Variants in MBOAT2 observed in about 807,000 individuals in gnomAD.
MBOAT2 encodes membrane-bound glycerophospholipid O-acyltransferase 2.
A neutral mutation model predicts 63.4 loss-of-function variants in MBOAT2; 28 were observed. The observed-to-expected ratio is 0.44, with a 90% CI of 0.33 to 0.61. The LOEUF (loss-of-function observed/expected upper bound fraction) is 0.61. Ranked by LOEUF, MBOAT2 falls within the 20% of genes least tolerant of loss-of-function variation. The pLI, the probability that MBOAT2 is intolerant of heterozygous loss-of-function variation, is 0.03. For synonymous variants in MBOAT2, 211 were observed against 215.6 expected (o/e 0.98, Z 0.19); for missense variants, 470 against 605.8 (o/e 0.78, Z 2.35).
chr2:8,902,101 G>C (rs1339357208), intron 4 of MBOAT2, among the ~76,000 whole-genome samples: 1 of 152,206 alleles, frequency 6.6e-6, no homozygotes, highest in East Asian at 1.9e-4. Context: ...AAAAGTGGAA[G>C]CTGGTTCCAG....
chr2:8,874,573 T>G (rs539188831), intron 7 of MBOAT2, among the ~76,000 whole-genome samples: 2 of 152,022 alleles, frequency 1.3e-5, no homozygotes, highest in East Asian at 3.9e-4. Flanking sequence ...GCAACGAAAA[T>G]GTAAAGAACA....
intron 1 of MBOAT2, among the ~76,000 whole-genome samples, chr2:8,985,045 AATG>A (rs1671461210): frequency 6.6e-6 from 1 of 152,170 alleles, no homozygotes; most frequent in South Asian, 2.1e-4. Context: ...CTAAGAAAAA[AATG>A]TAAGGCTCAA....
At position 8,882,704 on chromosome 2, in the gene MBOAT2, C is replaced by T. The variant is rs533104505; in HGVS notation, c.452-139G>A. On this transcript the variant is annotated intron_variant, in intron 5 of 12. Coordinates refer to ENST00000305997, the MANE Select transcript of MBOAT2 (RefSeq NM_138799.4). ...ATTTTGATATAATGACTGTTCCTTT[C>T]CTTCTCATGGCAACACAGCCTCGAT... 5.3e-6 allele frequency: 4 copies of T among 761,492 alleles called. No homozygotes were observed. In the African/African-American group the frequency reaches 6.9e-5, roughly 13 times the overall value. 47.2% of individuals were successfully genotyped at this position (761,492 alleles called of 1,614,324 possible).
At chr2:8,882,449 G>C in intron 6 of MBOAT2, 62 bp downstream of exon 6, 1 of 1,530,070 alleles carries the variant, frequency 6.5e-7, no homozygotes, top group African/African-American at 1.4e-5. Flanking sequence ...AGCCACAGAA[G>C]GAACGTGGGT....
chr2:8,987,647 A>C (rs547636318), intron 1 of MBOAT2, among the ~76,000 whole-genome samples: 1 of 152,216 alleles, frequency 6.6e-6, no homozygotes, highest in South Asian at 2.1e-4. Flanking sequence ...AGGCTTGCTC[A>C]CTCACATGTC....
intron 4 of MBOAT2, among the ~76,000 whole-genome samples, chr2:8,897,052 T>G (rs751166893): frequency 2.6e-5 from 4 of 152,248 alleles, no homozygotes; most frequent in Admixed American, 6.5e-5. Context: ...GACCTTCAAT[T>G]ATCAATTATA....
rs1397981434 is a variant in MBOAT2, at chr2:8,856,350, C to G, written c.*2329G>C. 1 of 150,926 alleles carries G rather than the reference C, an allele frequency of 6.6e-6. No individual in the cohort carries two copies. The highest frequency in any genetic ancestry group is 2.4e-5 in the African/African-American group (1 of 41,044). 9.3% of individuals were successfully genotyped at this position (150,926 alleles called of 1,614,324 possible). A position where few individuals can be genotyped will look rare whatever the true frequency, so the allele number is the denominator to read the frequency against. ...ACACACACACACACACGAACAAAAC[C>G]CAACAAGTTTGTATTAAGCCTTCTT... On this transcript the variant is annotated 3_prime_UTR_variant, in exon 13 of 13. Coordinates refer to ENST00000305997, the MANE Select transcript of MBOAT2 (RefSeq NM_138799.4). The surrounding 1 kb of genome is among the most constrained non-coding windows in gnomAD (Gnocchi z 4.2).
At position 8,957,222 on chromosome 2, in the gene MBOAT2, G is replaced by A. The variant is rs753820185; in HGVS notation, c.221+1275C>T. Among the ~76,000 whole-genome samples, 35 of 152,192 alleles carry A rather than the reference G, an allele frequency of 2.3e-4. 1 individual carries two copies. Among genetic ancestry groups the A allele is most frequent in the African/African-American group, 7.0e-4 (29 of 41,518 alleles). On this transcript the variant is annotated intron_variant, in intron 2 of 12. Coordinates refer to ENST00000305997, the MANE Select transcript of MBOAT2 (RefSeq NM_138799.4). The stretch of plus-strand genomic sequence containing the variant: ...CTTTGTACCTTTGTGTTTGAAAAGC[G>A]CCATAATCAAAAGTTTGAAAAATAT...
In MBOAT2 at chr2:8,862,178, C is replaced by T; in HGVS notation, c.1185+412G>A. On this transcript the variant is annotated intron_variant, in intron 11 of 12. Coordinates refer to ENST00000305997, the MANE Select transcript of MBOAT2 (RefSeq NM_138799.4). This position sits in a 1 kb window ranked among gnomAD's most constrained non-coding sequence, Gnocchi z 4.3. ...AACTGTGTCCTCTTCCAGTGTGGCT[C>T]ATCCACTGTCTTGGCCTCGCACAGC... 1 of 576,522 alleles carries T rather than the reference C, an allele frequency of 1.7e-6. No individual in the cohort carries two copies. Among genetic ancestry groups the T allele is most frequent in the Non-Finnish European group, 2.6e-6 (1 of 386,618 alleles). 35.7% of individuals were successfully genotyped at this position (576,522 alleles called of 1,614,324 possible).
In MBOAT2 at chr2:8,855,813, G is replaced by A. The variant is rs1451498201; in HGVS notation, c.*2866C>T. On this transcript the variant is annotated 3_prime_UTR_variant, in exon 13 of 13. Coordinates refer to ENST00000305997, the MANE Select transcript of MBOAT2 (RefSeq NM_138799.4). ...CTGAGTAGTATATAATTAACCAAAA[G>A]TATAAATATGATGTTGATTGATCAT... 2 of 152,056 alleles carry A rather than the reference G, an allele frequency of 1.3e-5. No individual in the cohort carries two copies. The highest frequency in any genetic ancestry group is 2.9e-5 in the Non-Finnish European group (2 of 68,030). 9.4% of individuals were successfully genotyped at this position (152,056 alleles called of 1,614,324 possible). A position where few individuals can be genotyped will look rare whatever the true frequency, so the allele number is the denominator to read the frequency against.
chr2:8,912,970 G>T (rs1345744525), intron 3 of MBOAT2, among the ~76,000 whole-genome samples: 1 of 152,086 alleles, frequency 6.6e-6, no homozygotes, highest in African/African-American at 2.4e-5. Context: ...CACAAAAACA[G>T]CATGGTACTG....
At chr2:8,882,924 T>G (rs1310237237) in intron 5 of MBOAT2, among the ~76,000 whole-genome samples, 1 of 152,180 alleles carries the variant, frequency 6.6e-6, no homozygotes, top group African/African-American at 2.4e-5. Context: ...TGACTACACA[T>G]GAGTACTATA....
chr2:8,985,311 A>T (rs999413766), intron 1 of MBOAT2, among the ~76,000 whole-genome samples: 2 of 152,160 alleles, frequency 1.3e-5, no homozygotes, highest in African/African-American at 2.4e-5. Context: ...ATTCGAATCA[A>T]ATTACCACAG....
Position 8,858,763 on chromosome 2 carries a change from C to G in MBOAT2, c.1479G>C (p.Leu493Phe). The change falls in exon 13 of 13, where the codon TTG becomes TTC. Residue 493 changes from leucine to phenylalanine, a missense_variant. This residue lies in a region of MBOAT2 where 90 missense variants were observed against 84.9 expected (regional missense o/e 1.06). Coordinates refer to ENST00000305997, the MANE Select transcript of MBOAT2 (RefSeq NM_138799.4). ...SKKFDEGENSLGQNSFSTTNN... is the reference protein window; with the variant it reads ...SKKFDEGENSFGQNSFSTTNN... ...TTGTTGTAGAAAAACTGTTCTGTCC[C>G]AAAGAATTTTCTCCTTCATCAAACT... 2.5e-6 allele frequency: 4 copies of G among 1,614,044 alleles called. No homozygotes were observed. The highest frequency in any genetic ancestry group is 2.5e-6 in the Non-Finnish European group (3 of 1,180,002).
At chr2:8,865,518 T>A (rs187554046) in intron 9 of MBOAT2, among the ~76,000 whole-genome samples, 187 of 152,310 alleles carry the variant, frequency 1.2e-3, no homozygotes, top group African/African-American at 4.0e-3. Flanking sequence ...CTCCTTCAAC[T>A]GTAGGAGAAG....
At position 8,887,884 on chromosome 2, in the gene MBOAT2, A is replaced by G. The variant is rs992480620; in HGVS notation, c.451+134T>C. 3.7e-6 allele frequency: 3 copies of G among 809,540 alleles called. No homozygotes were observed. The East Asian group carries it at 7.5e-5, about 20-fold the overall frequency. The allele number at this position is 809,540 out of a possible 1,614,324, so 50.1% of individuals were successfully genotyped here. ...AAGCATTTTTCATAATCCTAAGCACAGTTAAGTATATTTCCCTATCTTACC... is the reference window on the plus strand; with the variant it reads ...AAGCATTTTTCATAATCCTAAGCACGGTTAAGTATATTTCCCTATCTTACC... On this transcript the variant is annotated intron_variant, in intron 5 of 12. Coordinates refer to ENST00000305997, the MANE Select transcript of MBOAT2 (RefSeq NM_138799.4).
chr2:8,971,640 CCTT>C (rs1423195760), intron 1 of MBOAT2, among the ~76,000 whole-genome samples: 2 of 152,168 alleles, frequency 1.3e-5, no homozygotes, highest in African/African-American at 4.8e-5. Context: ...CCCAAAATCT[CCTT>C]AAGCTGATAA....
At chr2:8,988,315 A>G (rs1671700402) in intron 1 of MBOAT2, among the ~76,000 whole-genome samples, 1 of 152,254 alleles carries the variant, frequency 6.6e-6, no homozygotes, top group African/African-American at 2.4e-5. Context: ...CATCAAAAAT[A>G]CAAACAATGC....
In MBOAT2 at chr2:8,983,425, C is replaced by T. The variant is rs112729872; in HGVS notation, c.75+20115G>A. 4.9e-3 allele frequency among the ~76,000 whole-genome samples: 753 copies of T among 152,180 alleles called. 9 individuals carry two copies. Among genetic ancestry groups the T allele is most frequent in the South Asian group, 0.02 (97 of 4,828 alleles). On this transcript the variant is annotated intron_variant, in intron 1 of 12. Transcript: ENST00000305997. Reference sequence around the variant, plus strand: ...TTGGAATTTAAAATCTAGAAAAAAACATCTCTAGGCCCAGATGGTTTTACT... The same window carrying T: ...TTGGAATTTAAAATCTAGAAAAAAATATCTCTAGGCCCAGATGGTTTTACT...
Sources: allele counts gnomAD v4.1 joint callset (sites outside exome capture counted in the v4.1 genomes callset), GRCh38; gene constraint gnomAD v4.1.1; regional missense constraint gnomAD v4.1.1; non-coding constraint Gnocchi (gnomAD v3.1); transcripts MANE v1.5; gene names NCBI Gene and HGNC (gene_info 2026-07-23, HGNC 2026-07-21).